ACBD3: variants seen among roughly 807,000 people sequenced by gnomAD.
The protein encoded by ACBD3 is acyl-CoA binding domain containing 3.
A neutral mutation model predicts 66.9 loss-of-function variants in ACBD3; 30 were observed. The ratio of observed to expected loss-of-function variants is 0.45; its 90% CI spans 0.34 to 0.61. ACBD3 has a LOEUF of 0.61. Ranked by LOEUF, ACBD3 falls within the 20% of genes least tolerant of loss-of-function variation. The pLI, the probability that ACBD3 is intolerant of heterozygous loss-of-function variation, is 0.02. For synonymous variants in ACBD3, 278 were observed against 259.8 expected (o/e 1.07, Z -0.68); for missense variants, 544 against 664.5 (o/e 0.82, Z 1.99).
chr1:226,180,897 G>A (rs897005889), intron 1 of ACBD3, among the ~76,000 whole-genome samples: 8 of 151,890 alleles, frequency 5.3e-5, no homozygotes, highest in African/African-American at 1.9e-4. Flanking sequence ...TACTCGGGAG[G>A]CTGAGGCAGG....
At chr1:226,158,199 T>C (rs1011540719) in intron 5 of ACBD3, among the ~76,000 whole-genome samples, 11 of 152,224 alleles carry the variant, frequency 7.2e-5, no homozygotes, top group Admixed American at 2.6e-4. Context: ...TCAAGGAATT[T>C]AAAGAGTTTG....
At chr1:226,185,516 TA>T (rs1238772765) in intron 1 of ACBD3, among the ~76,000 whole-genome samples, 2 of 152,010 alleles carry the variant, frequency 1.3e-5, no homozygotes, top group Non-Finnish European at 2.9e-5. Context: ...CCTACAAGAC[TA>T]AGTATCTTTA....
intron 5 of ACBD3, among the ~76,000 whole-genome samples, chr1:226,157,064 C>G (rs1659688158): frequency 6.6e-6 from 1 of 152,148 alleles, no homozygotes; most frequent in Non-Finnish European, 1.5e-5. Flanking sequence ...CAAACACCCA[C>G]AAATGTATCT....
Position 226,186,700 on chromosome 1 carries a change from G to T in ACBD3, c.-25C>A, listed in dbSNP as rs1015695672. On this transcript the variant is annotated 5_prime_UTR_variant, in exon 1 of 8. Transcript: ENST00000366812. ...TCTCCGGCTGCTGCACCTCCTCAGC[G>T]GGGACAGACGGCAGCCACGTATCGA... 9 of 1,457,852 alleles carry T rather than the reference G, an allele frequency of 6.2e-6. No homozygotes were observed. Among genetic ancestry groups the T allele is most frequent in the Admixed American group, 2.5e-5 (1 of 40,074 alleles). The allele number at this position is 1,457,852 out of a possible 1,614,324, so 90.3% of individuals were successfully genotyped here.
chr1:226,172,148 T>C, intron 1 of ACBD3, among the ~76,000 whole-genome samples: 3 of 3,056 alleles, frequency 9.8e-4, no homozygotes, highest in Admixed American at 6.7e-3. Flanking sequence ...AGAGCAAAAC[T>C]CCATCTCAAA....
intron 1 of ACBD3, among the ~76,000 whole-genome samples, chr1:226,184,805 CTTTT>C (rs76440532): frequency 7.0e-6 from 1 of 142,140 alleles, no homozygotes; most frequent in African/African-American, 2.6e-5. Flanking sequence ...TGAAGCGATT[CTTTT>C]TTTTTTTTTA....
Position 226,151,177 on chromosome 1 carries a change from C to G in ACBD3, c.1375+1158G>C, listed in dbSNP as rs564749444. Reference sequence around the variant, plus strand: ...TGTACTTTCAATAATATCTTTTTAACTTTATCCCACTGTAATCTGTAAAGC... The same window carrying G: ...TGTACTTTCAATAATATCTTTTTAAGTTTATCCCACTGTAATCTGTAAAGC... On this transcript the variant is annotated intron_variant, in intron 7 of 7. Coordinates refer to ENST00000366812, the MANE Select transcript of ACBD3 (RefSeq NM_022735.4). Among the ~76,000 whole-genome samples, 4 of 152,276 alleles carry G rather than the reference C, an allele frequency of 2.6e-5. No individual in the cohort carries two copies. In the South Asian group the frequency reaches 8.3e-4, roughly 32 times the overall value.
chr1:226,176,548 TG>T (rs1480821820), intron 1 of ACBD3, among the ~76,000 whole-genome samples: 1 of 151,636 alleles, frequency 6.6e-6, no homozygotes. Flanking sequence ...ACAGTGTGTG[TG>T]TGGTTTTTGT....
At position 226,144,698 on chromosome 1, in the gene ACBD3, T is replaced by C. The variant is rs1182345232; in HGVS notation, c.*1912A>G. 6.6e-6 allele frequency: 1 copy of C among 152,630 alleles called. No individual in the cohort carries two copies. Among genetic ancestry groups the C allele is most frequent in the East Asian group, 1.9e-4 (1 of 5,190 alleles). The allele number at this position is 152,630 out of a possible 1,614,324, so 9.5% of individuals were successfully genotyped here. A position where few individuals can be genotyped will look rare whatever the true frequency, so the allele number is the denominator to read the frequency against. ...AACAAGTTACAGATAAACATTTTAA[T>C]TGATTAAATATATTACTTTCAAGAT... On this transcript the variant is annotated 3_prime_UTR_variant, in exon 8 of 8. Transcript: ENST00000366812.
rs986862461 is a variant in ACBD3 at position 226,186,524 on chromosome 1, G to A, written c.152C>T (p.Pro51Leu). 1 of 1,393,724 alleles carries A rather than the reference G, an allele frequency of 7.2e-7. No homozygotes were observed. Among genetic ancestry groups the A allele is most frequent in the Non-Finnish European group, 9.3e-7 (1 of 1,079,958 alleles). The allele number at this position is 1,393,724 out of a possible 1,614,324, so 86.3% of individuals were successfully genotyped here. A position where few individuals can be genotyped will look rare whatever the true frequency, so the allele number is the denominator to read the frequency against. Residue 51 changes from proline (P) to leucine (L), a missense_variant, in exon 1 of 8, where the codon CCG (proline) becomes CTG (leucine). This residue lies in a region of ACBD3 where 137 missense variants were observed against 145.9 expected (regional missense o/e 0.94). Transcript: ENST00000366812. ...CTCGGGCTGCTCCCCTGAGGCGCCC[G>A]GGCCGCGACCGGATCCAGGTGGCGA... is the stretch of plus-strand genomic sequence containing the variant. ...PPSPPGSGRG[P>L]GASGEQPEPG...
Position 226,170,783 on chromosome 1 carries a change from C to A in ACBD3, c.287-4783G>T, listed in dbSNP as rs944785398. ...AGGGTTCATTTCCTACCAGATGATA[C>A]GTTTGCTTCTTTTTGAGACAGGTTC... On this transcript the variant is annotated intron_variant, in intron 1 of 7. Transcript: ENST00000366812. 5.5e-4 allele frequency among the ~76,000 whole-genome samples: 84 copies of A among 151,914 alleles called. No homozygotes were observed. The Middle Eastern group carries it at 0.01, about 19-fold the overall frequency.
intron 1 of ACBD3, among the ~76,000 whole-genome samples, chr1:226,170,453 C>T (rs1271155260): frequency 1.3e-5 from 2 of 149,660 alleles, no homozygotes; most frequent in Non-Finnish European, 2.9e-5. Context: ...AGATTACAGA[C>T]GTGAGCCACC....
chr1:226,158,996 A>G (rs1659723366), intron 5 of ACBD3, among the ~76,000 whole-genome samples, 188 bp downstream of exon 5: 1 of 152,260 alleles, frequency 6.6e-6, no homozygotes, highest in Admixed American at 6.5e-5. Context: ...GGTTGCTTCG[A>G]TAACACATAT....
In ACBD3 at chr1:226,144,812, G is replaced by A. The variant is rs893707347; in HGVS notation, c.*1798C>T. The A allele has an allele frequency of 6.6e-6, 1 of 152,596 alleles. No individual in the cohort carries two copies. The highest frequency in any genetic ancestry group is 2.4e-5 in the African/African-American group (1 of 41,446). The allele number at this position is 152,596 out of a possible 1,614,324, so 9.5% of individuals were successfully genotyped here. A position where few individuals can be genotyped will look rare whatever the true frequency, so the allele number is the denominator to read the frequency against. ...CAAAAATATTCTGACATGAACACAT[G>A]ACAGGAACCGCTGCTATGTAAAGTA... On this transcript the variant is annotated 3_prime_UTR_variant, in exon 8 of 8. Coordinates refer to ENST00000366812, the MANE Select transcript of ACBD3 (RefSeq NM_022735.4).
chr1:226,152,339 TTCC>T lies in ACBD3; in HGVS notation c.1368_1370del (p.Glu459del), dbSNP rs1483132287. Reference sequence around the variant, plus strand: ...AATATGGACCAAGGGTTCTACCTTCTTCCTCCTCGTCGTCATCGCTGGACTCAC... The same window carrying T: ...AATATGGACCAAGGGTTCTACCTTCTTCCTCGTCGTCATCGCTGGACTCAC... On this transcript the variant is annotated inframe_deletion, in exon 7 of 8. Transcript: ENST00000366812. The T allele has an allele frequency of 2.9e-5, 47 of 1,613,762 alleles. No homozygotes were observed. Among genetic ancestry groups the T allele is most frequent in the Non-Finnish European group, 4.0e-5 (47 of 1,179,918 alleles).
chr1:226,163,511 A>T (rs1033573685), intron 3 of ACBD3, among the ~76,000 whole-genome samples: 1 of 152,078 alleles, frequency 6.6e-6, no homozygotes, highest in African/African-American at 2.4e-5. Flanking sequence ...AAAAAAAAAA[A>T]TTTCTTTGGA....
intron 7 of ACBD3, among the ~76,000 whole-genome samples, chr1:226,147,380 G>A (rs1442409514): frequency 6.6e-6 from 1 of 152,168 alleles, no homozygotes; most frequent in Non-Finnish European, 1.5e-5. Context: ...TCTAGTGGTA[G>A]CAGTGGTCAG....
In ACBD3 at chr1:226,159,305, T is replaced by C. The variant is rs753097557; in HGVS notation, c.782A>G (p.Tyr261Cys). ...GTTCCCTGGATACTGTTGGGCTGCATACTGCTGGAACTGCACGGCAGTCTG... is the reference window on the plus strand; with the variant it reads ...GTTCCCTGGATACTGTTGGGCTGCACACTGCTGGAACTGCACGGCAGTCTG... ...NSQTAVQFQQ[Y>C]AAQQYPGNYE... The change falls in exon 5 of 8, where the codon TAT becomes TGT. Residue 261 changes from tyrosine (Y) to cysteine (C), a missense_variant. Physicochemically the swap from Tyr to Cys is radical, Grantham distance 194. Around this residue, in one of 3 missense-constraint regions of ACBD3, gnomAD observed 383 missense variants for 462.4 expected, o/e 0.83. Transcript: ENST00000366812. 2.5e-6 allele frequency: 4 copies of C among 1,614,224 alleles called. No homozygotes were observed. The highest frequency in any genetic ancestry group is 1.7e-6 in the Non-Finnish European group (2 of 1,180,036).
At chr1:226,153,577 A>T (rs1056322461) in intron 6 of ACBD3, among the ~76,000 whole-genome samples, 1 of 151,892 alleles carries the variant, frequency 6.6e-6, no homozygotes, top group Non-Finnish European at 1.5e-5. Flanking sequence ...TCTCTCCATC[A>T]CCGTACTTAT....
Sources: allele counts gnomAD v4.1 joint callset (sites outside exome capture counted in the v4.1 genomes callset), GRCh38; gene constraint gnomAD v4.1.1; regional missense constraint gnomAD v4.1.1; transcripts MANE v1.5; gene names NCBI Gene and HGNC (gene_info 2026-07-23, HGNC 2026-07-21).